UBE2K: variants seen among roughly 807,000 people sequenced by gnomAD.
UBE2K encodes ubiquitin conjugating enzyme E2 K.
In UBE2K, 6 loss-of-function variants were observed where a neutral mutation model predicts 30.0. The observed-to-expected ratio is 0.20, with a 90% confidence interval of 0.11 to 0.39. UBE2K has a LOEUF of 0.39. Ranked by LOEUF, UBE2K falls within the 10% of genes least tolerant of loss-of-function variation. The pLI is 1.00. For missense variants in UBE2K, 61 were observed against 241.6 expected (o/e 0.25, Z 4.96); for synonymous variants, 86 against 83.7 (o/e 1.03, Z -0.15).
intron 1 of UBE2K, among the ~76,000 whole-genome samples, chr4:39,723,927 C>T (rs1279920166): frequency 6.6e-6 from 1 of 152,104 alleles, no homozygotes; most frequent in Admixed American, 6.5e-5. Context: ...ATTCTCCTGC[C>T]TCAGCCTCCC....
Position 39,778,520 on chromosome 4 carries a change from CT to C in UBE2K, c.*90del. ...TATTTTTAGGATTCTGCATAGATTT[CT>C]TTTAAACTGGCATTCTTGCCTAATG... is the stretch of plus-strand genomic sequence containing the variant. On this transcript the variant is annotated 3_prime_UTR_variant, in exon 7 of 7. Coordinates refer to ENST00000261427, the MANE Select transcript of UBE2K (RefSeq NM_005339.5). The C allele has an allele frequency of 2.3e-6, 2 of 868,294 alleles. No homozygotes were observed. Among genetic ancestry groups the C allele is most frequent in the South Asian group, 3.4e-5 (2 of 58,712 alleles). The allele number at this position is 868,294 out of a possible 1,614,324, so 53.8% of individuals were successfully genotyped here. A position where few individuals can be genotyped will look rare whatever the true frequency, so the allele number is the denominator to read the frequency against.
chr4:39,753,742 T>A (rs1721388871), intron 3 of UBE2K, among the ~76,000 whole-genome samples: 1 of 152,064 alleles, frequency 6.6e-6, no homozygotes, highest in South Asian at 2.1e-4. Flanking sequence ...GGGGAAAAGT[T>A]TAATATGACT....
intron 1 of UBE2K, among the ~76,000 whole-genome samples, chr4:39,729,644 C>G (rs1405126824): frequency 2.0e-5 from 3 of 152,150 alleles, no homozygotes; most frequent in Admixed American, 2.0e-4. Flanking sequence ...CTACTCCAGC[C>G]AGGTGATCTC....
rs572182428 is a variant in UBE2K at position 39,769,978 on chromosome 4, C to G, written c.300-4856C>G. The stretch of plus-strand genomic sequence containing the variant: ...GCATCTGCTCAGCCTCCCACTCTTA[C>G]CTTTCTGCCCCAGACCCCCCACCCA... On this transcript the variant is annotated intron_variant, in intron 4 of 6. Coordinates refer to ENST00000261427, the MANE Select transcript of UBE2K (RefSeq NM_005339.5). The G allele has an allele frequency of 1.5e-4, 124 of 847,640 alleles. No individual in the cohort carries two copies. In the African/African-American group the frequency reaches 1.9e-3, roughly 13 times the overall value. 52.5% of individuals were successfully genotyped at this position (847,640 alleles called of 1,614,324 possible).
chr4:39,774,443 T>A (rs1367656770), intron 4 of UBE2K, among the ~76,000 whole-genome samples: 1 of 142,390 alleles, frequency 7.0e-6, no homozygotes, highest in African/African-American at 2.6e-5. Context: ...CCGTCTCTAC[T>A]AAAAAAAAAA....
chr4:39,770,499 G>A (rs1214157627), intron 4 of UBE2K: 2 of 1,609,896 alleles, frequency 1.2e-6, no homozygotes, highest in Non-Finnish European at 1.7e-6. Flanking sequence ...GAAGCTCCCA[G>A]GCAGGGGTCC....
chr4:39,743,468 G>A (rs780208088), intron 2 of UBE2K, among the ~76,000 whole-genome samples: 2 of 152,096 alleles, frequency 1.3e-5, no homozygotes. Flanking sequence ...GTCGGGCGTG[G>A]TGACGGGCGC....
At position 39,757,011 on chromosome 4, in the gene UBE2K, G is replaced by GTTTTTTTT. The variant is rs1354761879; in HGVS notation, c.299+1278_299+1279insTTTTTTTT. 7.0e-4 allele frequency among the ~76,000 whole-genome samples: 54 copies of GTTTTTTTT among 76,818 alleles called. 8 individuals are homozygous for GTTTTTTTT. The highest frequency in any genetic ancestry group is 2.5e-3 in the East Asian group (5 of 2,010). 50.4% of individuals were successfully genotyped at this position (76,818 alleles called of 152,430 possible). A position where few individuals can be genotyped will look rare whatever the true frequency, so the allele number is the denominator to read the frequency against. On this transcript the variant is annotated intron_variant, in intron 4 of 6. Transcript: ENST00000261427. ...ATGTTTTTTTGGGTGTTTTTTTTTT[G>GTTTTTTTT]TTTTTTGTTTTTTGTTTTTTGTTTT...
Position 39,740,071 on chromosome 4 carries a change from C to T in UBE2K, c.157+2558C>T, listed in dbSNP as rs183690236. ...TGCAATCATTAAATGTAGAGGAGAC[C>T]TTTAGTTATCTTTAAAAAATCAGAT... On this transcript the variant is annotated intron_variant, in intron 2 of 6. Coordinates refer to ENST00000261427, the MANE Select transcript of UBE2K (RefSeq NM_005339.5). Among the ~76,000 whole-genome samples, 7 of 152,064 alleles carry T rather than the reference C, an allele frequency of 4.6e-5. No individual in the cohort carries two copies. The South Asian group carries it at 1.0e-3, about 23-fold the overall frequency.
chr4:39,717,912 G>A (rs997558039), intron 1 of UBE2K, among the ~76,000 whole-genome samples: 8 of 146,998 alleles, frequency 5.4e-5, no homozygotes, highest in South Asian at 2.1e-4. Flanking sequence ...CGTTCCTCCC[G>A]GTGGGTTCGT....
chr4:39,734,280 G>A (rs1004189552), intron 1 of UBE2K, among the ~76,000 whole-genome samples: 13 of 151,630 alleles, frequency 8.6e-5, no homozygotes, highest in Admixed American at 2.0e-4. Flanking sequence ...TAATTTTTCC[G>A]GATTTCACCA....
chr4:39,735,183 C>T (rs1720310233), intron 1 of UBE2K, among the ~76,000 whole-genome samples: 2 of 152,274 alleles, frequency 1.3e-5, no homozygotes, highest in South Asian at 4.2e-4. Context: ...TAACATTATG[C>T]ATAGATACTA....
At chr4:39,758,328 G>C (rs1322155417) in intron 4 of UBE2K, among the ~76,000 whole-genome samples, 4 of 152,072 alleles carry the variant, frequency 2.6e-5, no homozygotes, top group Admixed American at 2.0e-4. Context: ...CTGCCTCCCT[G>C]CTTCTGGCTT....
chr4:39,735,236 G>T (rs1285848938), intron 1 of UBE2K, among the ~76,000 whole-genome samples: 1 of 152,268 alleles, frequency 6.6e-6, no homozygotes, highest in African/African-American at 2.4e-5. Flanking sequence ...TTGAGATGGA[G>T]TCTCGCTCTT....
intron 4 of UBE2K, among the ~76,000 whole-genome samples, chr4:39,762,298 G>A (rs1414963882): frequency 6.6e-6 from 1 of 152,088 alleles, no homozygotes; most frequent in East Asian, 1.9e-4. Context: ...CTGGCCTCAA[G>A]TGATCCTTCC....
chr4:39,748,781 A>T (rs1004063854), intron 3 of UBE2K, among the ~76,000 whole-genome samples: 1 of 152,202 alleles, frequency 6.6e-6, no homozygotes, highest in Non-Finnish European at 1.5e-5. Flanking sequence ...AGTGTTCTTT[A>T]AATACGGTAT....
chr4:39,769,356 C>T (rs1336827492), intron 4 of UBE2K, among the ~76,000 whole-genome samples: 1 of 151,834 alleles, frequency 6.6e-6, no homozygotes, highest in Non-Finnish European at 1.5e-5. Flanking sequence ...CTCTCCCTCC[C>T]TCCCAACAGC....
rs551755769 is a variant in UBE2K, at chr4:39,750,068, C to T, written c.216+4258C>T. Among the ~76,000 whole-genome samples, 44 of 152,158 alleles carry T rather than the reference C, an allele frequency of 2.9e-4. No homozygotes were observed. In the East Asian group the frequency reaches 7.4e-3, roughly 25 times the overall value. The stretch of plus-strand genomic sequence containing the variant: ...AATTAGCCAGGTGTAGTGGCACGTG[C>T]CTGTAATCCCAGCTACTCAGAAGGC... On this transcript the variant is annotated intron_variant, in intron 3 of 6. Transcript: ENST00000261427.
intron 2 of UBE2K, among the ~76,000 whole-genome samples, chr4:39,737,919 C>G (rs1412318737): frequency 2.0e-5 from 3 of 152,086 alleles, no homozygotes; most frequent in Non-Finnish European, 4.4e-5. Flanking sequence ...TTCTGTCATT[C>G]AGCATTTCAT....
Sources: gnomAD v4.1 joint callset for allele counts (sites outside exome capture counted in the v4.1 genomes callset) on GRCh38, gnomAD v4.1.1 for gene constraint, MANE v1.5 for transcripts, NCBI Gene and HGNC (gene_info 2026-07-23, HGNC 2026-07-21) for gene names.